MDN1: variants seen among roughly 807,000 people sequenced by gnomAD.
MDN1 encodes midasin AAA ATPase 1.
MDN1 carries 266 observed loss-of-function variants against 669.2 expected under a neutral mutation model. That is an observed-to-expected ratio of 0.40 (90% confidence interval 0.36 to 0.44). The LOEUF is 0.44. Ranked by LOEUF, MDN1 falls within the 20% of genes least tolerant of loss-of-function variation. The pLI, the probability that MDN1 is intolerant of heterozygous loss-of-function variation, is 1.00. For synonymous variants in MDN1, 2,385 were observed against 2,457.1 expected (o/e 0.97, Z 0.87); for missense variants, 5,940 against 6,754.0 (o/e 0.88, Z 4.22).
intron 15 of MDN1, among the ~76,000 whole-genome samples, chr6:89,764,698 T>C (rs1335806398): frequency 6.6e-6 from 1 of 152,126 alleles, no homozygotes; most frequent in South Asian, 2.1e-4. Context: ...GCATTATCTG[T>C]GGGTGCAAGG....
In MDN1 at chr6:89,677,662, A is replaced by C. The variant is rs767527969; in HGVS notation, c.12447T>G (p.Arg4149=). 11 of 1,614,172 alleles carry C rather than the reference A, an allele frequency of 6.8e-6. No individual in the cohort carries two copies. The South Asian group carries it at 1.1e-4, about 16-fold the overall frequency. The change falls in exon 76 of 102, where the codon CGT becomes CGG. Residue 4149 remains arginine (R), a synonymous_variant. Coordinates refer to ENST00000369393, the MANE Select transcript of MDN1 (RefSeq NM_014611.3). The part of the protein sequence containing the change: ...LSYRKGLAWA[R]SKNPQEMLHL... ...GAAGCATCTCTTGAGGGTTTTTTGA[A>C]CGGGCCCAAGCAAGACCTTTGCGAT...
At chr6:89,732,478 G>A in intron 34 of MDN1, 79 bp downstream of exon 34, 1 of 1,218,356 alleles carries the variant, frequency 8.2e-7, no homozygotes, top group Non-Finnish European at 1.2e-6. Flanking sequence ...AAATAGCTGG[G>A]TCAGAGGCCT....
Position 89,648,250 on chromosome 6 carries a change from C to T in MDN1, c.16280+6G>A. On this transcript the variant is annotated splice_donor_region_variant and intron_variant, in intron 98 of 101. Coordinates refer to ENST00000369393, the MANE Select transcript of MDN1 (RefSeq NM_014611.3). ...TTTTCATAAAGGAATTACAAAGCAA[C>T]CTTACCTACACACTGCAATCTGACC... 5 of 1,613,870 alleles carry T rather than the reference C, an allele frequency of 3.1e-6. No individual in the cohort carries two copies. The East Asian group carries it at 8.9e-5, about 29-fold the overall frequency.
intron 15 of MDN1, among the ~76,000 whole-genome samples, chr6:89,763,060 T>C (rs918507981): frequency 6.6e-6 from 1 of 151,572 alleles, no homozygotes; most frequent in Non-Finnish European, 1.5e-5. Context: ...CTCAAAAAAA[T>C]AAAAGTAAAA....
intron 39 of MDN1, 37 bp downstream of exon 39, chr6:89,723,475 C>CA: frequency 8.0e-7 from 1 of 1,251,000 alleles, no homozygotes; most frequent in Admixed American, 2.4e-5. Context: ...CAAATACAGC[C>CA]AGAAAAAAAA....
rs763655609 is a variant in MDN1 at position 89,718,359 on chromosome 6, T to A, written c.6583+7A>T. On this transcript the variant is annotated splice_region_variant and intron_variant, in intron 43 of 101. Transcript: ENST00000369393. ...AGTTCCTGATACAGAGATCCAAATATACATACCTGCCTTGCAGTATGAGTT... is the reference window on the plus strand; with the variant it reads ...AGTTCCTGATACAGAGATCCAAATAAACATACCTGCCTTGCAGTATGAGTT... 6.2e-7 allele frequency: 1 copy of A among 1,612,320 alleles called. No homozygotes were observed. The highest frequency in any genetic ancestry group is 8.5e-7 in the Non-Finnish European group (1 of 1,179,382).
At chr6:89,789,385 C>T (rs775799104) in intron 7 of MDN1, among the ~76,000 whole-genome samples, 1 of 152,162 alleles carries the variant, frequency 6.6e-6, no homozygotes, top group Non-Finnish European at 1.5e-5. Context: ...TCAGCCCACT[C>T]CTCTGTAGCT....
At chr6:89,809,641 T>C (rs1322304815) in intron 1 of MDN1, among the ~76,000 whole-genome samples, 1 of 151,838 alleles carries the variant, frequency 6.6e-6, no homozygotes, top group African/African-American at 2.4e-5. Flanking sequence ...CCGGGCATTA[T>C]GGCATATACC....
Position 89,718,924 on chromosome 6 carries a change from C to T in MDN1, c.6164G>A (p.Cys2055Tyr). 6.2e-7 allele frequency: 1 copy of T among 1,614,136 alleles called. No individual in the cohort carries two copies. Among genetic ancestry groups the T allele is most frequent in the Non-Finnish European group, 8.5e-7 (1 of 1,180,034 alleles). ...SFQPLESIMK[C>Y]VQMSWMVILV... The stretch of plus-strand genomic sequence containing the variant: ...GATGACCATCCAGCTCATCTGCACA[C>T]ACTTCATGATTGACTCCAGGGGTTG... Residue 2055 changes from cysteine (C) to tyrosine (Y), a missense_variant, in exon 42 of 102, where the codon TGT becomes TAT. Cys to Tyr is a radical substitution (Grantham distance 194). Around this residue, in one of 5 missense-constraint regions of MDN1, gnomAD observed 2,292 missense variants for 2,638.3 expected, o/e 0.87. Transcript: ENST00000369393.
intron 1 of MDN1, among the ~76,000 whole-genome samples, chr6:89,814,542 C>T (rs1292615174): frequency 6.6e-6 from 1 of 152,018 alleles, no homozygotes; most frequent in Non-Finnish European, 1.5e-5. Context: ...ATAGCTTTGA[C>T]AAATTTTGAA....
At chr6:89,794,447 A>T (rs560986471) in intron 3 of MDN1, 130 bp downstream of exon 3, 1 of 894,440 alleles carries the variant, frequency 1.1e-6, no homozygotes, top group East Asian at 2.6e-5. Flanking sequence ...AGGAAGTAAA[A>T]CCCCAAAAGC....
At position 89,688,126 on chromosome 6, in the gene MDN1, G is replaced by A; in HGVS notation, c.11307C>T (p.Pro3769=). Residue 3769 remains proline, a synonymous_variant, in exon 67 of 102, where the codon CCC becomes CCT. Coordinates refer to ENST00000369393, the MANE Select transcript of MDN1 (RefSeq NM_014611.3). Reference sequence around the variant, plus strand: ...CTAAGCCATTCAGGAACTTTGAGATGGGACTGGAAAGTGGGAAACTACGAA... The same window carrying A: ...CTAAGCCATTCAGGAACTTTGAGATAGGACTGGAAAGTGGGAAACTACGAA... ...DRIRSFPLSS[P]ISKFLNGLEI... is the part of the protein sequence containing the mutation. The A allele has an allele frequency of 6.2e-7, 1 of 1,614,120 alleles. No homozygotes were observed. Among genetic ancestry groups the A allele is most frequent in the Non-Finnish European group, 8.5e-7 (1 of 1,180,014 alleles).
chr6:89,684,076 G>A (rs187139297), intron 71 of MDN1, among the ~76,000 whole-genome samples, 172 bp from the exon 72 acceptor site: 2 of 152,286 alleles, frequency 1.3e-5, no homozygotes, highest in East Asian at 3.9e-4. Flanking sequence ...AGGCGCGGTG[G>A]CTCACACCTG....
chr6:89,663,662 C>A (rs1233557024), intron 85 of MDN1, among the ~76,000 whole-genome samples: 1 of 151,944 alleles, frequency 6.6e-6, no homozygotes, highest in Admixed American at 6.6e-5. Context: ...AGGCCCAGTG[C>A]GGTGGCTCAC....
intron 78 of MDN1, 101 bp downstream of exon 78, chr6:89,675,363 G>T: frequency 1.1e-6 from 1 of 941,548 alleles, no homozygotes; most frequent in South Asian, 1.6e-5. Context: ...TTTCACAATT[G>T]AGAGCATGTC....
chr6:89,680,647 C>T lies in MDN1; in HGVS notation c.12207G>A (p.Leu4069=). Residue 4069 remains leucine (L), a synonymous_variant, in exon 74 of 102, where the codon CTG becomes CTA. Coordinates refer to ENST00000369393, the MANE Select transcript of MDN1 (RefSeq NM_014611.3). ...GCAGGGGGCTCTCCTTCATGAACGT[C>T]AGGCACATCTTCCTCATGCGTTTCC... The part of the protein sequence containing the change: ...KLRKRMRKMC[L]TFMKESPLPR... 6.2e-7 allele frequency: 1 copy of T among 1,614,200 alleles called. No individual in the cohort carries two copies. The highest frequency in any genetic ancestry group is 8.5e-7 in the Non-Finnish European group (1 of 1,180,044).
chr6:89,698,411 T>C (rs1227748347), intron 59 of MDN1, among the ~76,000 whole-genome samples: 1 of 152,224 alleles, frequency 6.6e-6, no homozygotes, highest in Non-Finnish European at 1.5e-5. Context: ...TTCAAGCACA[T>C]TGATACAATG....
At position 89,785,098 on chromosome 6, in the gene MDN1, G is replaced by A. The variant is rs759010905; in HGVS notation, c.1363C>T (p.Arg455Ter). Residue 455 changes from arginine (R) to a stop codon, truncating the protein, a stop_gained, in exon 9 of 102, where the codon CGA (arginine) becomes TGA (stop). Coordinates refer to ENST00000369393, the MANE Select transcript of MDN1 (RefSeq NM_014611.3). LOFTEE classifies it high-confidence loss of function. ...RLLSCGGNWY[R>*]PLNSHATLLD... ...AAAGTAGCATGACTGTTTAGCGGTCGATACCAATTTCCTCCACAGCTCAAG... is the reference window on the plus strand; with the variant it reads ...AAAGTAGCATGACTGTTTAGCGGTCAATACCAATTTCCTCCACAGCTCAAG... 11 of 1,613,774 alleles carry A rather than the reference G, an allele frequency of 6.8e-6. No homozygotes were observed. Among genetic ancestry groups the A allele is most frequent in the Non-Finnish European group, 9.3e-6 (11 of 1,179,742 alleles).
chr6:89,718,485 TTA>T lies in MDN1; in HGVS notation c.6462_6463del (p.Tyr2154Ter). 6.2e-7 allele frequency: 1 copy of T among 1,614,172 alleles called. No homozygotes were observed. The highest frequency in any genetic ancestry group is 8.5e-7 in the Non-Finnish European group (1 of 1,180,030). ...ACCACCTTCTCCAAGACACTTAGGC[TTA>T]TATGTCAGAAGAAAATGACTCCAGG... is the stretch of plus-strand genomic sequence containing the variant. On this transcript the variant is annotated stop_gained and frameshift_variant, in exon 43 of 102. Coordinates refer to ENST00000369393, the MANE Select transcript of MDN1 (RefSeq NM_014611.3). LOFTEE classifies it high-confidence loss of function.
Sources: allele counts gnomAD v4.1 joint callset (sites outside exome capture counted in the v4.1 genomes callset), GRCh38; gene constraint gnomAD v4.1.1; regional missense constraint gnomAD v4.1.1; transcripts MANE v1.5; gene names NCBI Gene and HGNC (gene_info 2026-07-23, HGNC 2026-07-21).